Variants in PCDHA6 observed in about 807,000 individuals in gnomAD.
PCDHA6 encodes the protein protocadherin alpha-6.
Under a neutral mutation model 60.3 loss-of-function variants are expected in PCDHA6, and 55 were observed. The ratio of observed to expected loss-of-function variants is 0.91; its 90% CI spans 0.73 to 1.14. The LOEUF (loss-of-function observed/expected upper bound fraction) is 1.14. Ranked by LOEUF, PCDHA6 falls within the 50% of genes most tolerant of loss-of-function variation. The pLI is 0.00. For missense variants in PCDHA6, 1,327 were observed against 1,256.5 expected (o/e 1.06, Z -0.85); for synonymous variants, 652 against 557.9 (o/e 1.17, Z -2.38).
intron 1 of PCDHA6, among the ~76,000 whole-genome samples, chr5:140,872,037 G>T (rs1554166004): frequency 1.3e-5 from 2 of 152,238 alleles, no homozygotes; most frequent in African/African-American, 2.4e-5. Context: ...TAAGCTCAAA[G>T]AATTCTCCCA....
Position 140,830,337 on chromosome 5 carries a change from C to G in PCDHA6, c.2246C>G (p.Ser749Trp). 6.2e-7 allele frequency: 1 copy of G among 1,614,048 alleles called. No homozygotes were observed. The highest frequency in any genetic ancestry group is 8.5e-7 in the Non-Finnish European group (1 of 1,179,958). ...TGCTCCAGCGCAGTGGGGAGCTGGT[C>G]GTACTCGCAGCAGAGGCGGCAGAGG... Reference protein sequence around the residue: ...LVCSSAVGSWSYSQQRRQRVC... With the variant: ...LVCSSAVGSWWYSQQRRQRVC... The change falls in exon 1 of 4, where the codon TCG becomes TGG. Residue 749 changes from serine (S) to tryptophan (W), a missense_variant. Ser to Trp is a radical substitution (Grantham distance 177). Transcript: ENST00000529310.
At position 140,869,590 on chromosome 5, in the gene PCDHA6, G is replaced by A. The variant is rs372301742; in HGVS notation, c.2394+39105G>A. 61 of 1,613,984 alleles carry A rather than the reference G, an allele frequency of 3.8e-5. No individual in the cohort carries two copies. The highest frequency in any genetic ancestry group is 4.9e-5 in the Non-Finnish European group (58 of 1,180,038). ...AGAGGGAGCTTCTGATGCTGACATT[G>A]AAGAGAATGCTCTATTGACCTACAG... On this transcript the variant is annotated intron_variant, in intron 1 of 3. Coordinates refer to ENST00000529310, the MANE Select transcript of PCDHA6 (RefSeq NM_018909.4).
Position 141,011,440 on chromosome 5 carries a change from T to G in PCDHA6, c.*1503T>G, listed in dbSNP as rs2098420601. 1 of 153,808 alleles carries G rather than the reference T, an allele frequency of 6.5e-6. No individual in the cohort carries two copies. Among genetic ancestry groups the G allele is most frequent in the Admixed American group, 6.5e-5 (1 of 15,282 alleles). 9.5% of individuals were successfully genotyped at this position (153,808 alleles called of 1,614,324 possible). A position where few individuals can be genotyped will look rare whatever the true frequency, so the allele number is the denominator to read the frequency against. Reference sequence around the variant, plus strand: ...ATGTTAATGCAACTATTACCTAGAGTGAACTTTAAGCTTTATTGTTGAATG... The same window carrying G: ...ATGTTAATGCAACTATTACCTAGAGGGAACTTTAAGCTTTATTGTTGAATG... On this transcript the variant is annotated 3_prime_UTR_variant, in exon 4 of 4. Transcript: ENST00000529310.
At chr5:140,929,557 A>AT (rs2086230665) in intron 1 of PCDHA6, 1 of 478,260 alleles carries the variant, frequency 2.1e-6, no homozygotes, top group Non-Finnish European at 3.6e-6. Flanking sequence ...ATTAAAACCT[A>AT]TTTAAGAACA....
chr5:140,998,321 G>A lies in PCDHA6; in HGVS notation c.2543-11306G>A, dbSNP rs79793895. On this transcript the variant is annotated intron_variant, in intron 3 of 3. Coordinates refer to ENST00000529310, the MANE Select transcript of PCDHA6 (RefSeq NM_018909.4). ...TTTAGTAAGGGCACCAGGATCTGAA[G>A]CAGGATTGTTTGACTTCTGAGTCTG... is the stretch of plus-strand genomic sequence containing the variant. 9.8e-3 allele frequency among the ~76,000 whole-genome samples: 1,493 copies of A among 152,278 alleles called. 32 individuals carry two copies. The highest frequency in any genetic ancestry group is 0.034 in the African/African-American group (1,408 of 41,548).
chr5:140,841,886 A>G, intron 1 of PCDHA6: 1 of 1,613,832 alleles, frequency 6.2e-7, no homozygotes, highest in South Asian at 1.1e-5. Context: ...GAACGATGAG[A>G]ATAAACTGGT....
At chr5:140,853,468 T>C in intron 1 of PCDHA6, 2 of 970,862 alleles carry the variant, frequency 2.1e-6, no homozygotes, top group African/African-American at 1.8e-5. Context: ...TATGCATCTG[T>C]AGTTAACATT....
chr5:140,849,637 C>A lies in PCDHA6; in HGVS notation c.2394+19152C>A, dbSNP rs1581190048. ...AGTGTGATCGACCTAGACGCAGATG[C>A]CAACGGGCAGGTTACCTGCTCCCTG... On this transcript the variant is annotated intron_variant, in intron 1 of 3. Coordinates refer to ENST00000529310, the MANE Select transcript of PCDHA6 (RefSeq NM_018909.4). 4 of 1,598,688 alleles carry A rather than the reference C, an allele frequency of 2.5e-6. No homozygotes were observed. In the East Asian group the frequency reaches 8.9e-5, roughly 36 times the overall value.
chr5:140,954,920 G>A (rs1295412224), intron 1 of PCDHA6, among the ~76,000 whole-genome samples: 2 of 152,076 alleles, frequency 1.3e-5, no homozygotes, highest in East Asian at 3.9e-4. Context: ...TATGAATTAC[G>A]TCTTTAATTA....
At chr5:140,901,828 A>G (rs538492227) in intron 1 of PCDHA6, among the ~76,000 whole-genome samples, 1 of 152,318 alleles carries the variant, frequency 6.6e-6, no homozygotes, top group African/African-American at 2.4e-5. Flanking sequence ...CTTCCAGTCC[A>G]TAAACATGCA....
At chr5:140,887,369 T>C (rs782675531) in intron 1 of PCDHA6, among the ~76,000 whole-genome samples, 1 of 152,200 alleles carries the variant, frequency 6.6e-6, no homozygotes, top group Non-Finnish European at 1.5e-5. Context: ...GTGCTGGGAT[T>C]ACAGGTGTGA....
At chr5:140,939,104 T>G (rs2092317491) in intron 1 of PCDHA6, among the ~76,000 whole-genome samples, 1 of 152,160 alleles carries the variant, frequency 6.6e-6, no homozygotes, top group South Asian at 2.1e-4. Context: ...CAATAGAAAT[T>G]TATTTTTCAC....
rs73793550 is a variant in PCDHA6 at position 140,989,564 on chromosome 5, C to T, written c.2542+7001C>T. On this transcript the variant is annotated intron_variant, in intron 3 of 3. Transcript: ENST00000529310. ...GTAATTCCTTTACGTTTTGTGGCTC[C>T]GGCAAGCCCTGTCCTCAGCCTCACT... is the stretch of plus-strand genomic sequence containing the variant. Among the ~76,000 whole-genome samples the T allele has an allele frequency of 6.0e-3, 907 of 152,216 alleles. 13 individuals carry two copies. Among genetic ancestry groups the T allele is most frequent in the African/African-American group, 0.021 (852 of 41,530 alleles).
intron 1 of PCDHA6, among the ~76,000 whole-genome samples, chr5:140,878,982 T>C (rs1484097371): frequency 2.0e-5 from 3 of 152,206 alleles, no homozygotes; most frequent in African/African-American, 4.8e-5. Flanking sequence ...CCCTCTATCT[T>C]AGAAATGAGA....
rs782003848 is a variant in PCDHA6 at position 140,929,358 on chromosome 5, G to GC, written c.2395-49588dup. The GC allele has an allele frequency of 3.9e-6, 6 of 1,522,886 alleles. No homozygotes were observed. The South Asian group carries it at 5.3e-5, about 13-fold the overall frequency. 94.3% of individuals were successfully genotyped at this position (1,522,886 alleles called of 1,614,324 possible). A position where few individuals can be genotyped will look rare whatever the true frequency, so the allele number is the denominator to read the frequency against. Reference sequence around the variant, plus strand: ...AATTTTATGGAATTTGATTCCTTTGGCCCGGAGATGGCTGCTAGCTGTGTT... The same window carrying GC: ...AATTTTATGGAATTTGATTCCTTTGGCCCCGGAGATGGCTGCTAGCTGTGTT... On this transcript the variant is annotated intron_variant, in intron 1 of 3. Coordinates refer to ENST00000529310, the MANE Select transcript of PCDHA6 (RefSeq NM_018909.4).
At chr5:140,833,460 T>C (rs1440945863) in intron 1 of PCDHA6, among the ~76,000 whole-genome samples, 2 of 152,148 alleles carry the variant, frequency 1.3e-5, no homozygotes, top group Non-Finnish European at 2.9e-5. Context: ...AAAATAAACT[T>C]ACATTTTAAA....
intron 1 of PCDHA6, chr5:140,875,508 G>GC: frequency 6.2e-7 from 1 of 1,613,706 alleles, no homozygotes; most frequent in South Asian, 1.1e-5. Flanking sequence ...CGGGATCCCA[G>GC]CGTCTGCTGC....
chr5:140,877,256 G>C lies in PCDHA6; in HGVS notation c.2394+46771G>C, dbSNP rs782364296. 2.5e-6 allele frequency: 4 copies of C among 1,613,628 alleles called. No homozygotes were observed. In the African/African-American group the frequency reaches 5.3e-5, roughly 22 times the overall value. On this transcript the variant is annotated intron_variant, in intron 1 of 3. Transcript: ENST00000529310. Reference sequence around the variant, plus strand: ...GCGGGCCACGTGGTGGCGAAAGTGCGCGCGGTGGACGCTGACTCCGGCTAT... The same window carrying C: ...GCGGGCCACGTGGTGGCGAAAGTGCCCGCGGTGGACGCTGACTCCGGCTAT...
intron 1 of PCDHA6, chr5:140,834,806 C>T (rs1160090879): frequency 1.9e-6 from 3 of 1,612,728 alleles, no homozygotes; most frequent in African/African-American, 1.3e-5. Flanking sequence ...GGAATCTGTT[C>T]ATCGCGGAAT....
Sources: allele counts gnomAD v4.1 joint callset (sites outside exome capture counted in the v4.1 genomes callset), GRCh38; gene constraint gnomAD v4.1.1; transcripts MANE v1.5; gene names NCBI Gene and HGNC (gene_info 2026-07-23, HGNC 2026-07-21).